The following ZFAND4 variants were observed in gnomAD, a reference collection of about 807,000 sequenced individuals.
ZFAND4 encodes the protein zinc finger AN1-type containing 4.
In ZFAND4, 43 loss-of-function variants were observed where a neutral mutation model predicts 64.4. The observed-to-expected ratio is 0.67, with a 90% CI of 0.52 to 0.86. The LOEUF (loss-of-function observed/expected upper bound fraction) is 0.86. Among genes scored for constraint, ZFAND4 ranks in the 40% least tolerant of loss-of-function variants. The probability of loss-of-function intolerance (pLI) is 0.00; values close to 1 mark genes in which losing one functional copy is unlikely to be tolerated. For synonymous variants in ZFAND4, 296 were observed against 305.7 expected (o/e 0.97, Z 0.33); for missense variants, 929 against 859.8 (o/e 1.08, Z -1.01).
Position 45,639,892 on chromosome 10 carries a change from A to T in ZFAND4, c.641T>A (p.Ile214Lys). Residue 214 changes from isoleucine to lysine, a missense_variant, in exon 6 of 10, where the codon ATA becomes AAA. Coordinates refer to ENST00000344646, the MANE Select transcript of ZFAND4 (RefSeq NM_174890.4). ...ETEPSSSGQQ[I>K]IENSITMNKM... Reference sequence around the variant, plus strand: ...ATTCATAGTTATTGAATTTTCAATTATCTGTTGCCCAGAAGAAGAAGGCTC... The same window carrying T: ...ATTCATAGTTATTGAATTTTCAATTTTCTGTTGCCCAGAAGAAGAAGGCTC... 6.2e-7 allele frequency: 1 copy of T among 1,613,696 alleles called. No homozygotes were observed. Among genetic ancestry groups the T allele is most frequent in the African/African-American group, 1.3e-5 (1 of 75,044 alleles).
chr10:45,649,486 T>C (rs2047616960), intron 4 of ZFAND4, among the ~76,000 whole-genome samples: 1 of 152,178 alleles, frequency 6.6e-6, no homozygotes, highest in African/African-American at 2.4e-5. Flanking sequence ...ATTAACAGAA[T>C]CGTGGTGCTC....
chr10:45,656,534 A>AAAAG (rs1481064633), intron 2 of ZFAND4, among the ~76,000 whole-genome samples: 1 of 150,588 alleles, frequency 6.6e-6, no homozygotes, highest in Non-Finnish European at 1.5e-5. Context: ...AAGAAAAGAA[A>AAAAG]AAAGAAAGAA....
At chr10:45,639,492 T>C (rs574846677) in intron 6 of ZFAND4, among the ~76,000 whole-genome samples, 1 of 152,350 alleles carries the variant, frequency 6.6e-6, no homozygotes, top group Non-Finnish European at 1.5e-5. Flanking sequence ...TACTAAATAG[T>C]AGATATCTTT....
intron 6 of ZFAND4, among the ~76,000 whole-genome samples, chr10:45,630,406 A>C (rs1011705130): frequency 2.6e-5 from 4 of 152,162 alleles, no homozygotes; most frequent in African/African-American, 9.7e-5. Flanking sequence ...CAGGAGACTA[A>C]AATTCTACTT....
chr10:45,641,166 A>C (rs1332156097), intron 5 of ZFAND4, among the ~76,000 whole-genome samples: 4 of 152,248 alleles, frequency 2.6e-5, no homozygotes, highest in Non-Finnish European at 4.4e-5. Flanking sequence ...TAAATGTTTG[A>C]TGAACTGAAC....
intron 8 of ZFAND4, among the ~76,000 whole-genome samples, chr10:45,619,473 T>C (rs1376584185): frequency 2.0e-5 from 3 of 152,116 alleles, no homozygotes; most frequent in African/African-American, 7.2e-5. Context: ...CAAATACACA[T>C]GTGCTTGGTG....
In ZFAND4 at chr10:45,654,277, C is replaced by T. The variant is rs117290745; in HGVS notation, c.185-1218G>A. The stretch of plus-strand genomic sequence containing the variant: ...ACTTCAGCAACACACAATTTACCCA[C>T]GTAACAAACCTACCCATGTATCCAC... On this transcript the variant is annotated intron_variant, in intron 2 of 9. Coordinates refer to ENST00000344646, the MANE Select transcript of ZFAND4 (RefSeq NM_174890.4). Among the ~76,000 whole-genome samples the T allele has an allele frequency of 3.8e-3, 577 of 152,148 alleles. 13 individuals are homozygous for T. In the East Asian group the frequency reaches 0.052, roughly 14 times the overall value.
chr10:45,623,083 A>G (rs746199917), intron 8 of ZFAND4, among the ~76,000 whole-genome samples: 22 of 152,160 alleles, frequency 1.4e-4, no homozygotes, highest in Non-Finnish European at 2.9e-4. Flanking sequence ...CCTCACACCC[A>G]TTAGGATGGC....
At chr10:45,617,458 C>A (rs1380809375) in intron 9 of ZFAND4, among the ~76,000 whole-genome samples, 1 of 151,708 alleles carries the variant, frequency 6.6e-6, no homozygotes, top group Non-Finnish European at 1.5e-5. Flanking sequence ...TGAGATCTGT[C>A]TCTACAAAAA....
chr10:45,621,655 T>C (rs1331021673), intron 8 of ZFAND4, among the ~76,000 whole-genome samples: 1 of 152,036 alleles, frequency 6.6e-6, no homozygotes, highest in Non-Finnish European at 1.5e-5. Context: ...GGCAGGAGAA[T>C]GGCGTGAACC....
At chr10:45,643,478 G>A (rs980123349) in intron 5 of ZFAND4, among the ~76,000 whole-genome samples, 6 of 151,278 alleles carry the variant, frequency 4.0e-5, no homozygotes, top group African/African-American at 1.5e-4. Context: ...AGACCATCCT[G>A]GCTAACACGG....
At chr10:45,627,986 GC>G (rs1370860347) in intron 6 of ZFAND4, among the ~76,000 whole-genome samples, 7 of 152,260 alleles carry the variant, frequency 4.6e-5, no homozygotes, top group African/African-American at 1.4e-4. Context: ...ACATACTACA[GC>G]CCTGTGAATC....
intron 2 of ZFAND4, chr10:45,662,507 TATCCTTTAA>T: frequency 5.5e-6 from 4 of 730,272 alleles, no homozygotes; most frequent in Non-Finnish European, 6.7e-6. Flanking sequence ...CCAAAAAAGG[TATCCTTTAA>T]ACTATGATAT....
At position 45,625,948 on chromosome 10, in the gene ZFAND4, G is replaced by A. The variant is rs200787204; in HGVS notation, c.1872+3C>T. 15 of 1,611,574 alleles carry A rather than the reference G, an allele frequency of 9.3e-6. No homozygotes were observed. In the East Asian group the frequency reaches 2.9e-4, roughly 31 times the overall value. On this transcript the variant is annotated splice_donor_region_variant and intron_variant, in intron 7 of 9. Transcript: ENST00000344646. ...TAGAGCATGTTGAAAGGAAAATACT[G>A]ACCAAAAAAACTCCTGTATGTTCTA...
At chr10:45,618,971 A>G (rs545439256) in intron 8 of ZFAND4, among the ~76,000 whole-genome samples, 1 of 152,276 alleles carries the variant, frequency 6.6e-6, no homozygotes, top group South Asian at 2.1e-4. Flanking sequence ...TGAATTCTGT[A>G]TTACTGTATC....
At chr10:45,640,158 A>G (rs2046886034) in intron 5 of ZFAND4, 195 bp from the exon 6 acceptor site, 1 of 1,248,350 alleles carries the variant, frequency 8.0e-7, no homozygotes, top group Non-Finnish European at 1.0e-6. Flanking sequence ...AATAAATATT[A>G]TGATCTAGGA....
chr10:45,654,322 A>G (rs549210948), intron 2 of ZFAND4, among the ~76,000 whole-genome samples: 1 of 152,256 alleles, frequency 6.6e-6, no homozygotes, highest in East Asian at 1.9e-4. Context: ...AAGTTGAAAA[A>G]ACAAAAAAAG....
At chr10:45,628,766 C>T (rs895444151) in intron 6 of ZFAND4, among the ~76,000 whole-genome samples, 1 of 151,620 alleles carries the variant, frequency 6.6e-6, no homozygotes, top group Admixed American at 6.6e-5. Flanking sequence ...CACTCATAAC[C>T]CATGCATCAG....
chr10:45,671,692 G>A (rs1016373271), intron 1 of ZFAND4, among the ~76,000 whole-genome samples: 1 of 152,134 alleles, frequency 6.6e-6, no homozygotes, highest in African/African-American at 2.4e-5. Flanking sequence ...TGGGGAGTGA[G>A]ATGGGGGGAG....
Sources: gnomAD v4.1 joint callset for allele counts (sites outside exome capture counted in the v4.1 genomes callset) on GRCh38, gnomAD v4.1.1 for gene constraint, MANE v1.5 for transcripts, NCBI Gene and HGNC (gene_info 2026-07-23, HGNC 2026-07-21) for gene names.